Variants in DNAH14 observed in about 807,000 individuals in gnomAD.
The protein encoded by DNAH14 is dynein axonemal heavy chain 14.
DNAH14 carries 478 observed loss-of-function variants against 520.9 expected under a neutral mutation model. The observed-to-expected ratio is 0.92, with a 90% CI of 0.85 to 0.99. The LOEUF is 0.99. Ranked by LOEUF, DNAH14 falls within the 50% of genes least tolerant of loss-of-function variation. The probability of loss-of-function intolerance (pLI) is 0.00; values close to 1 mark genes in which losing one functional copy is unlikely to be tolerated. For missense variants in DNAH14, 4,831 were observed against 5,234.5 expected (o/e 0.92, Z 2.38); for synonymous variants, 1,581 against 1,757.2 (o/e 0.90, Z 2.51).
intron 37 of DNAH14, among the ~76,000 whole-genome samples, chr1:225,189,888 T>C (rs1331611410): frequency 6.6e-6 from 1 of 151,974 alleles, no homozygotes; most frequent in Non-Finnish European, 1.5e-5. Context: ...TTGTGTTTGA[T>C]TTTTTTCTAG....
intron 77 of DNAH14, among the ~76,000 whole-genome samples, chr1:225,368,852 A>G (rs915860301): frequency 3.9e-5 from 6 of 152,158 alleles, no homozygotes; most frequent in Non-Finnish European, 5.9e-5. Flanking sequence ...TGCAAGCTCA[A>G]CTGCCTATCA....
In DNAH14 at chr1:225,183,682, A is replaced by T. The variant is rs1237829795; in HGVS notation, c.5536-1609A>T. Reference sequence around the variant, plus strand: ...AGATCAATAGACCACTAGGTAGATTAACAAAAAAAAAAAAAAGGAAGATCC... The same window carrying T: ...AGATCAATAGACCACTAGGTAGATTTACAAAAAAAAAAAAAAGGAAGATCC... On this transcript the variant is annotated intron_variant, in intron 36 of 85. Transcript: ENST00000682510. Among the ~76,000 whole-genome samples the T allele has an allele frequency of 3.5e-5, 5 of 142,964 alleles. No individual in the cohort carries two copies. In the South Asian group the frequency reaches 8.9e-4, roughly 25 times the overall value. The allele number at this position is 142,964 out of a possible 152,430, so 93.8% of individuals were successfully genotyped here.
At chr1:225,336,052 T>TGC (rs1209172646) in intron 66 of DNAH14, among the ~76,000 whole-genome samples, 1 of 141,956 alleles carries the variant, frequency 7.0e-6, no homozygotes, top group African/African-American at 2.7e-5. Context: ...TATGCATATA[T>TGC]ACATATATGT....
chr1:224,943,581 G>A (rs563124514), intron 1 of DNAH14, among the ~76,000 whole-genome samples: 3 of 151,986 alleles, frequency 2.0e-5, no homozygotes, highest in Non-Finnish European at 4.4e-5. Flanking sequence ...TTTTAATTGC[G>A]ATGTTAGGGC....
At chr1:225,165,620 C>G (rs886774105) in intron 35 of DNAH14, among the ~76,000 whole-genome samples, 3 of 151,602 alleles carry the variant, frequency 2.0e-5, no homozygotes, top group East Asian at 3.9e-4. Context: ...GGGTTTCAGT[C>G]TGTCACCCAG....
chr1:225,116,847 C>T (rs901107889), intron 23 of DNAH14, among the ~76,000 whole-genome samples: 15 of 152,132 alleles, frequency 9.9e-5, no homozygotes, highest in African/African-American at 3.4e-4. Flanking sequence ...GACTGAAAAG[C>T]TCTCAGTAAA....
intron 41 of DNAH14, among the ~76,000 whole-genome samples, chr1:225,209,344 A>T (rs543888931): frequency 1.1e-4 from 17 of 152,200 alleles, no homozygotes; most frequent in African/African-American, 3.1e-4. Flanking sequence ...TGCACCACAG[A>T]CTTTAAATTT....
chr1:225,360,447 G>A (rs961296329), intron 74 of DNAH14, among the ~76,000 whole-genome samples: 5 of 152,152 alleles, frequency 3.3e-5, no homozygotes, highest in African/African-American at 1.2e-4. Flanking sequence ...GGTAGATGTC[G>A]GAGAAGACAA....
chr1:225,346,684 T>C, intron 71 of DNAH14, 30 bp downstream of exon 71: 3 of 1,480,322 alleles, frequency 2.0e-6, no homozygotes, highest in Non-Finnish European at 2.7e-6. Flanking sequence ...CCGGATTCAG[T>C]AAAAGTCCAT....
At chr1:225,274,371 AT>A (rs1228096621) in intron 52 of DNAH14, among the ~76,000 whole-genome samples, 8 of 150,328 alleles carry the variant, frequency 5.3e-5, no homozygotes, top group Non-Finnish European at 8.9e-5. Context: ...CGCCCGGCTA[AT>A]TTTTTTTGTA....
Position 225,043,916 on chromosome 1 carries a change from A to C in DNAH14, c.1845A>C (p.Ile615=), listed in dbSNP as rs756168845. Residue 615 remains isoleucine (I), a synonymous_variant, in exon 15 of 86, where the codon ATA becomes ATC. Coordinates refer to ENST00000682510, the MANE Select transcript of DNAH14 (RefSeq NM_001367479.1). The part of the protein sequence containing the change: ...EFPEFPTNLF[I]DPNRLEFSVK... ...CAGAATTTCCTACAAATCTCTTTAT[A>C]GATCCCAACAGATTGGAGTTTTCAG... 6.6e-7 allele frequency: 1 copy of C among 1,525,852 alleles called. No individual in the cohort carries two copies. The highest frequency in any genetic ancestry group is 1.2e-5 in the South Asian group (1 of 80,946). 94.5% of individuals were successfully genotyped at this position (1,525,852 alleles called of 1,614,324 possible). A position where few individuals can be genotyped will look rare whatever the true frequency, so the allele number is the denominator to read the frequency against.
At chr1:225,143,969 A>G (rs1432492019) in intron 28 of DNAH14, among the ~76,000 whole-genome samples, 1 of 152,222 alleles carries the variant, frequency 6.6e-6, no homozygotes. Context: ...ACAAAGTTCA[A>G]TTTGTTTTGA....
At chr1:225,333,548 G>A (rs1574835152) in intron 66 of DNAH14, 42 bp downstream of exon 66, 1 of 1,494,786 alleles carries the variant, frequency 6.7e-7, no homozygotes, top group East Asian at 2.5e-5. Flanking sequence ...GGCTATTATT[G>A]TTTATTTGGA....
intron 21 of DNAH14, among the ~76,000 whole-genome samples, chr1:225,091,046 T>G (rs1401289756): frequency 1.3e-5 from 2 of 151,734 alleles, no homozygotes; most frequent in Non-Finnish European, 3.0e-5. Flanking sequence ...AAAACAATCC[T>G]GTAAAGAGAT....
At chr1:224,952,909 T>G in intron 2 of DNAH14, 130 bp downstream of exon 2, 1 of 614,618 alleles carries the variant, frequency 1.6e-6, no homozygotes, top group Non-Finnish European at 2.5e-6. Context: ...GATTCTAGAG[T>G]TTAGAAAACC....
At chr1:225,273,684 C>A (rs1382068558) in intron 52 of DNAH14, among the ~76,000 whole-genome samples, 1 of 152,230 alleles carries the variant, frequency 6.6e-6, no homozygotes, top group Non-Finnish European at 1.5e-5. Context: ...ACTCACAGAA[C>A]TGTCCACTGT....
At chr1:224,954,860 A>T in intron 2 of DNAH14, 99 bp from the exon 3 acceptor site, 1 of 872,376 alleles carries the variant, frequency 1.1e-6, no homozygotes, top group South Asian at 1.8e-5. Flanking sequence ...AAGCTGTTTT[A>T]ATTATAAATG....
At chr1:224,991,112 T>A (rs2063009165) in intron 8 of DNAH14, among the ~76,000 whole-genome samples, 1 of 133,968 alleles carries the variant, frequency 7.5e-6, no homozygotes. Flanking sequence ...TTTTTTTTTT[T>A]GAGACGGAGT....
chr1:224,985,050 A>G (rs976232025), intron 8 of DNAH14, among the ~76,000 whole-genome samples: 1 of 152,220 alleles, frequency 6.6e-6, no homozygotes, highest in Non-Finnish European at 1.5e-5. Context: ...TATGGAAAAC[A>G]GCGTGGAGAT....
Sources: gnomAD v4.1 joint callset for allele counts (sites outside exome capture counted in the v4.1 genomes callset) on GRCh38, gnomAD v4.1.1 for gene constraint, MANE v1.5 for transcripts, NCBI Gene and HGNC (gene_info 2026-07-23, HGNC 2026-07-21) for gene names.